Variants in TBC1D24 observed in about 807,000 individuals in gnomAD.
TBC1D24 encodes the protein Infantile myoclonic epilepsy.
In TBC1D24, 47 loss-of-function variants were observed where a neutral mutation model predicts 50.7. The ratio of observed to expected loss-of-function variants is 0.93; its 90% CI spans 0.73 to 1.18. The LOEUF (loss-of-function observed/expected upper bound fraction) is 1.18, where lower values mean the gene tolerates loss of function less well. TBC1D24 is among the 50% of genes most tolerant of loss of function. The pLI, the probability that TBC1D24 is intolerant of heterozygous loss-of-function variation, is 0.00. For missense variants in TBC1D24, 688 were observed against 766.5 expected (o/e 0.90, Z 1.21); for synonymous variants, 324 against 335.2 (o/e 0.97, Z 0.36).
chr16:2,490,377 G>A (rs1340137711), intron 1 of TBC1D24, among the ~76,000 whole-genome samples: 1 of 152,210 alleles, frequency 6.6e-6, no homozygotes, highest in Non-Finnish European at 1.5e-5. Context: ...GCCTCTGCAG[G>A]GAACTGGAGC....
chr16:2,498,231 C>A lies in TBC1D24; in HGVS notation c.984-7C>A. On this transcript the variant is annotated splice_region_variant and splice_polypyrimidine_tract_variant and intron_variant, in intron 3 of 7. Coordinates refer to ENST00000646147, the MANE Select transcript of TBC1D24 (RefSeq NM_001199107.2). Reference sequence around the variant, plus strand: ...TTCGGGCTCTGACCCCTGCTCGCTCCCCTCAGGCAGTTTGTACACTTGGCC... The same window carrying A: ...TTCGGGCTCTGACCCCTGCTCGCTCACCTCAGGCAGTTTGTACACTTGGCC... The A allele has an allele frequency of 6.2e-7, 1 of 1,603,022 alleles. No individual in the cohort carries two copies.
rs2065619111 is a variant in TBC1D24 at position 2,482,747 on chromosome 16, C to A, written c.-116+7577C>A. On this transcript the variant is annotated intron_variant, in intron 1 of 7. Transcript: ENST00000646147. The surrounding 1 kb of genome is among the most constrained non-coding windows in gnomAD (Gnocchi z 5.2). ...AAGCAGCTGGAGGGACAGGTCTGGA[C>A]CTCAAAGAAGGATTCTAGGCTCAGG... Among the ~76,000 whole-genome samples, 1 of 152,092 alleles carries A rather than the reference C, an allele frequency of 6.6e-6. No individual in the cohort carries two copies. Among genetic ancestry groups the A allele is most frequent in the African/African-American group, 2.4e-5 (1 of 41,390 alleles).
At position 2,475,695 on chromosome 16, in the gene TBC1D24, C is replaced by T. The variant is rs1215931160; in HGVS notation, c.-116+525C>T. Among the ~76,000 whole-genome samples the T allele has an allele frequency of 6.7e-6, 1 of 149,056 alleles. No homozygotes were observed. The highest frequency in any genetic ancestry group is 2.5e-5 in the African/African-American group (1 of 40,284). ...GCCCCCGGCCCTGTCCAGTGGGGGGCCCCTCTGGGTGCGCCGTGCCAGGCG... is the reference window on the plus strand; with the variant it reads ...GCCCCCGGCCCTGTCCAGTGGGGGGTCCCTCTGGGTGCGCCGTGCCAGGCG... On this transcript the variant is annotated intron_variant, in intron 1 of 7. Transcript: ENST00000646147. This position sits in a 1 kb window ranked among gnomAD's most constrained non-coding sequence, Gnocchi z 4.2.
In TBC1D24 at chr16:2,485,412, G is replaced by T. The variant is rs907941239; in HGVS notation, c.-116+10242G>T. 3 of 152,240 alleles carry T rather than the reference G, an allele frequency of 2.0e-5. No individual in the cohort carries two copies. Among genetic ancestry groups the T allele is most frequent in the African/African-American group, 7.2e-5 (3 of 41,446 alleles). The allele number at this position is 152,240 out of a possible 1,614,324, so 9.4% of individuals were successfully genotyped here. A position where few individuals can be genotyped will look rare whatever the true frequency, so the allele number is the denominator to read the frequency against. On this transcript the variant is annotated intron_variant, in intron 1 of 7. Coordinates refer to ENST00000646147, the MANE Select transcript of TBC1D24 (RefSeq NM_001199107.2). The surrounding 1 kb of genome is among the most constrained non-coding windows in gnomAD (Gnocchi z 4.6). ...AGCTTCTGGACAGCTGAATAGGAGG[G>T]AGTGCCTGGAGGGCAGCACCGTGTC...
In TBC1D24 at chr16:2,497,218, T is replaced by C. The variant is rs1374650002; in HGVS notation, c.965+105T>C. On this transcript the variant is annotated intron_variant, in intron 2 of 7. Coordinates refer to ENST00000646147, the MANE Select transcript of TBC1D24 (RefSeq NM_001199107.2). ...CCGGCCTCCAGGCGGCCTCTGCCCA[T>C]GGTCCACCCAGCCATCTGTGCATGG... The C allele has an allele frequency of 2.0e-6, 3 of 1,467,260 alleles. No homozygotes were observed. The East Asian group carries it at 6.9e-5, about 34-fold the overall frequency. The allele number at this position is 1,467,260 out of a possible 1,614,324, so 90.9% of individuals were successfully genotyped here.
rs1230609942 is a variant in TBC1D24, at chr16:2,500,981, G to A, written c.*23G>A. 2.5e-6 allele frequency: 4 copies of A among 1,606,512 alleles called. No homozygotes were observed. In the African/African-American group the frequency reaches 5.3e-5, roughly 21 times the overall value. On this transcript the variant is annotated 3_prime_UTR_variant, in exon 8 of 8. Transcript: ENST00000646147. This position sits in a 1 kb window ranked among gnomAD's most constrained non-coding sequence, Gnocchi z 8.0. ...TGACGGCCTGTGCCACGGTGACTGAGCCGTGGTGGGGCGGTGGGCCGAGGC... is the reference window on the plus strand; with the variant it reads ...TGACGGCCTGTGCCACGGTGACTGAACCGTGGTGGGGCGGTGGGCCGAGGC...
rs1397507177 is a variant in TBC1D24, at chr16:2,496,404, A to T, written c.256A>T (p.Ser86Cys). 1.9e-6 allele frequency: 3 copies of T among 1,613,130 alleles called. No individual in the cohort carries two copies. The South Asian group carries it at 3.3e-5, about 18-fold the overall frequency. Residue 86 changes from serine to cysteine, a missense_variant, in exon 2 of 8, where the codon AGC (serine) becomes TGC (cysteine). Transcript: ENST00000646147. ...CGTGGGCAAGATCGTGGGCAAGCAC[A>T]GCAGCAGCTGCCTGCCGCTGCCCGA... ...DIVGKIVGKH[S>C]SSCLPLPEFV...
intron 1 of TBC1D24, chr16:2,477,729 T>C (rs1303143284): frequency 6.7e-6 from 1 of 150,284 alleles, no homozygotes; most frequent in Non-Finnish European, 1.5e-5. Flanking sequence ...CCCACAGAGG[T>C]GGACAGAGCC....
At chr16:2,493,084 C>T (rs893011239) in intron 1 of TBC1D24, among the ~76,000 whole-genome samples, 38 of 151,896 alleles carry the variant, frequency 2.5e-4, no homozygotes, top group Middle Eastern at 3.4e-3. Context: ...CAGTGCGGCA[C>T]TCTGTCTCAA....
In TBC1D24 at chr16:2,496,681, C is replaced by T. The variant is rs483352866; in HGVS notation, c.533C>T (p.Ser178Leu). 1.9e-6 allele frequency: 3 copies of T among 1,613,298 alleles called. No homozygotes were observed. The highest frequency in any genetic ancestry group is 2.5e-6 in the Non-Finnish European group (3 of 1,180,028). ...GACCAGAGCTTCCTGGCCTTTGAGTCGTCCTGCATGACGTTTGGGGACCTG... is the reference window on the plus strand; with the variant it reads ...GACCAGAGCTTCCTGGCCTTTGAGTTGTCCTGCATGACGTTTGGGGACCTG... Reference protein sequence around the residue: ...LIDQSFLAFESSCMTFGDLVN... With the variant: ...LIDQSFLAFELSCMTFGDLVN... The change falls in exon 2 of 8, where the codon TCG (serine) becomes TTG (leucine). Residue 178 changes from serine (S) to leucine (L), a missense_variant. By Grantham distance (145) the Ser-to-Leu change is moderately radical. Transcript: ENST00000646147.
rs2065739291 is a variant in TBC1D24 at position 2,496,407 on chromosome 16, A to G, written c.259A>G (p.Ser87Gly). Residue 87 changes from serine to glycine, a missense_variant, in exon 2 of 8, where the codon AGC becomes GGC. Ser to Gly is a moderately conservative substitution (Grantham distance 56, BLOSUM62 0). Coordinates refer to ENST00000646147, the MANE Select transcript of TBC1D24 (RefSeq NM_001199107.2). The part of the protein sequence containing the change: ...IVGKIVGKHS[S>G]SCLPLPEFVD... The stretch of plus-strand genomic sequence containing the variant: ...GGGCAAGATCGTGGGCAAGCACAGC[A>G]GCAGCTGCCTGCCGCTGCCCGAGTT... The G allele has an allele frequency of 6.8e-6, 11 of 1,613,124 alleles. No homozygotes were observed. Among genetic ancestry groups the G allele is most frequent in the Non-Finnish European group, 8.5e-6 (10 of 1,179,966 alleles).
Position 2,498,410 on chromosome 16 carries a change from G to A in TBC1D24, c.1142+14G>A, listed in dbSNP as rs745904419. ...CAGCCTGGCCAGGTAACACCCCAAG[G>A]GGCCAGAGCGGGCGGCAGAGCCGCC... On this transcript the variant is annotated intron_variant, in intron 4 of 7. Coordinates refer to ENST00000646147, the MANE Select transcript of TBC1D24 (RefSeq NM_001199107.2). 3.0e-5 allele frequency: 48 copies of A among 1,592,780 alleles called. No homozygotes were observed. In the Admixed American group the frequency reaches 7.9e-4, roughly 26 times the overall value.
At chr16:2,498,853 G>C (rs914462445) in intron 4 of TBC1D24, among the ~76,000 whole-genome samples, 1 of 152,234 alleles carries the variant, frequency 6.6e-6, no homozygotes, top group Non-Finnish European at 1.5e-5. Flanking sequence ...TTGGGCCTGG[G>C]GTGACCTGGG....
rs1020482447 is a variant in TBC1D24 at position 2,483,308 on chromosome 16, T to A, written c.-116+8138T>A. The A allele has an allele frequency of 6.6e-6, 1 of 152,238 alleles. No homozygotes were observed. Among genetic ancestry groups the A allele is most frequent in the Admixed American group, 6.5e-5 (1 of 15,270 alleles). The allele number at this position is 152,238 out of a possible 1,614,324, so 9.4% of individuals were successfully genotyped here. Reference sequence around the variant, plus strand: ...CTGAGCAGGCGGCAGGACTTCTCCCTCTCCCCTCGGCCGTTCTCGTGCCTC... The same window carrying A: ...CTGAGCAGGCGGCAGGACTTCTCCCACTCCCCTCGGCCGTTCTCGTGCCTC... On this transcript the variant is annotated intron_variant, in intron 1 of 7. Transcript: ENST00000646147. This position sits in a 1 kb window ranked among gnomAD's most constrained non-coding sequence, Gnocchi z 4.0.
In TBC1D24 at chr16:2,499,493, G is replaced by C; in HGVS notation, c.1206+73G>C. Reference sequence around the variant, plus strand: ...CTGGCTCTGATGGGCTCCAGGGCTGGCTCTGATGGGCTTCAGGGCCTAGGC... The same window carrying C: ...CTGGCTCTGATGGGCTCCAGGGCTGCCTCTGATGGGCTTCAGGGCCTAGGC... On this transcript the variant is annotated intron_variant, in intron 5 of 7. Coordinates refer to ENST00000646147, the MANE Select transcript of TBC1D24 (RefSeq NM_001199107.2). This position sits in a 1 kb window ranked among gnomAD's most constrained non-coding sequence, Gnocchi z 4.0. 7.3e-7 allele frequency: 1 copy of C among 1,375,950 alleles called. No individual in the cohort carries two copies. Among genetic ancestry groups the C allele is most frequent in the Non-Finnish European group, 1.0e-6 (1 of 980,774 alleles). The allele number at this position is 1,375,950 out of a possible 1,614,324, so 85.2% of individuals were successfully genotyped here. A position where few individuals can be genotyped will look rare whatever the true frequency, so the allele number is the denominator to read the frequency against.
chr16:2,500,370 C>G lies in TBC1D24; in HGVS notation c.1405C>G (p.His469Asp). The stretch of plus-strand genomic sequence containing the variant: ...TGCCGAGCCCACCGCCCCACTCAGC[C>G]ACTCCGCCTCCTCAGACCCCGCTGA... ...MAAEPTAPLS[H>D]SASSDPADRL... Residue 469 changes from histidine (H) to aspartate (D), a missense_variant, in exon 7 of 8, where the codon CAC becomes GAC. Physicochemically the swap from His to Asp is moderately conservative, Grantham distance 81. Coordinates refer to ENST00000646147, the MANE Select transcript of TBC1D24 (RefSeq NM_001199107.2). The surrounding 1 kb of genome is among the most constrained non-coding windows in gnomAD (Gnocchi z 8.0). 2 of 1,608,278 alleles carry G rather than the reference C, an allele frequency of 1.2e-6. No individual in the cohort carries two copies. The highest frequency in any genetic ancestry group is 1.7e-6 in the Non-Finnish European group (2 of 1,178,042).
In TBC1D24 at chr16:2,499,565, G is replaced by T. The variant is rs1343791385; in HGVS notation, c.1206+145G>T. The T allele has an allele frequency of 1.3e-6, 1 of 794,636 alleles. No homozygotes were observed. Among genetic ancestry groups the T allele is most frequent in the African/African-American group, 1.7e-5 (1 of 58,562 alleles). 49.2% of individuals were successfully genotyped at this position (794,636 alleles called of 1,614,324 possible). A position where few individuals can be genotyped will look rare whatever the true frequency, so the allele number is the denominator to read the frequency against. On this transcript the variant is annotated intron_variant, in intron 5 of 7. Coordinates refer to ENST00000646147, the MANE Select transcript of TBC1D24 (RefSeq NM_001199107.2). The surrounding 1 kb of genome is among the most constrained non-coding windows in gnomAD (Gnocchi z 4.0). ...CAGAGCGTGGGTATGGCCAGCACATGGGGCTCATCCCACACTCAGGGCCAC... is the reference window on the plus strand; with the variant it reads ...CAGAGCGTGGGTATGGCCAGCACATTGGGCTCATCCCACACTCAGGGCCAC...
chr16:2,475,468 T>A lies in TBC1D24; in HGVS notation c.-116+298T>A, dbSNP rs935148043. On this transcript the variant is annotated intron_variant, in intron 1 of 7. Transcript: ENST00000646147. The surrounding 1 kb of genome is among the most constrained non-coding windows in gnomAD (Gnocchi z 4.2). ...CCGCGGCCCGGCCCAGGGCATGGTG[T>A]CGTCTGGAAGAGTGACTGTGTCACT... Among the ~76,000 whole-genome samples, 239 of 151,778 alleles carry A rather than the reference T, an allele frequency of 1.6e-3. No homozygotes were observed. Among genetic ancestry groups the A allele is most frequent in the African/African-American group, 4.8e-3 (197 of 41,404 alleles).
Position 2,496,336 on chromosome 16 carries a change from C to T in TBC1D24, c.188C>T (p.Pro63Leu). 2 of 1,613,606 alleles carry T rather than the reference C, an allele frequency of 1.2e-6. No individual in the cohort carries two copies. The highest frequency in any genetic ancestry group is 1.7e-6 in the Non-Finnish European group (2 of 1,180,026). Residue 63 changes from proline to leucine, a missense_variant, in exon 2 of 8, where the codon CCC becomes CTC. Transcript: ENST00000646147. ...TACCAGCGCCTGATCCGGGACATTC[C>T]CTGCCGCACGGTCACGCCTGACGCC... ...KVYQRLIRDIPCRTVTPDASV... is the reference protein window; with the variant it reads ...KVYQRLIRDILCRTVTPDASV...
Sources: gnomAD v4.1 joint callset for allele counts (sites outside exome capture counted in the v4.1 genomes callset) on GRCh38, gnomAD v4.1.1 for gene constraint, Gnocchi (gnomAD v3.1) non-coding constraint, MANE v1.5 for transcripts, NCBI Gene and HGNC (gene_info 2026-07-23, HGNC 2026-07-21) for gene names.